MSRA: variants seen among roughly 807,000 people sequenced by gnomAD.
MSRA encodes the protein methionine sulfoxide reductase A.
MSRA carries 54 observed loss-of-function variants against 31.3 expected under a neutral mutation model. The observed-to-expected ratio is 1.73, with a 90% confidence interval of 1.39 to 2.17. MSRA has a LOEUF of 2.17. Among genes scored for constraint, MSRA ranks in the 30% most tolerant of loss-of-function variants. MSRA has a pLI of 0.00. For synonymous variants in MSRA, 169 were observed against 116.5 expected (o/e 1.45, Z -2.90); for missense variants, 507 against 300.9 (o/e 1.69, Z -5.07).
intron 1 of MSRA, among the ~76,000 whole-genome samples, chr8:10,056,587 A>G (rs626158): frequency 1 from 151,102 of 151,126 alleles, 75,539 homozygotes; most frequent in Non-Finnish European, 1. Context: ...TTGTTCATCT[A>G]TTGTAACTTT....
At chr8:10,103,181 C>T (rs373461340) in intron 1 of MSRA, among the ~76,000 whole-genome samples, 100 of 152,094 alleles carry the variant, frequency 6.6e-4, no homozygotes, top group Middle Eastern at 6.8e-3. Flanking sequence ...TATTAACATG[C>T]GAGGTTTTAT....
intron 1 of MSRA, among the ~76,000 whole-genome samples, chr8:10,172,001 T>C (rs1345154129): frequency 1.3e-5 from 2 of 152,198 alleles, no homozygotes; most frequent in African/African-American, 4.8e-5. Context: ...TGGGGGTATA[T>C]AGGTAATATC....
chr8:10,371,771 G>A (rs939178610), intron 5 of MSRA, among the ~76,000 whole-genome samples: 6 of 152,232 alleles, frequency 3.9e-5, no homozygotes, highest in East Asian at 3.9e-4. Flanking sequence ...TGCCTTCTCC[G>A]CTGTGCCTAA....
intron 5 of MSRA, among the ~76,000 whole-genome samples, chr8:10,352,220 T>A (rs1369497598): frequency 6.6e-6 from 1 of 152,192 alleles, no homozygotes; most frequent in Non-Finnish European, 1.5e-5. Context: ...GTTCAGTTCG[T>A]GTAGTGAATT....
intron 3 of MSRA, among the ~76,000 whole-genome samples, chr8:10,300,794 A>G (rs1800802830): frequency 6.6e-6 from 1 of 152,168 alleles, no homozygotes; most frequent in Non-Finnish European, 1.5e-5. Flanking sequence ...CTCTAAGACT[A>G]TAAAAGAAAG....
intron 3 of MSRA, among the ~76,000 whole-genome samples, chr8:10,280,417 G>C (rs1033966826): frequency 6.6e-6 from 1 of 152,008 alleles, no homozygotes; most frequent in Non-Finnish European, 1.5e-5. Flanking sequence ...TTTGATAGTA[G>C]CAGCTCCATT....
intron 1 of MSRA, chr8:10,095,442 G>A: frequency 2.0e-6 from 2 of 983,186 alleles, no homozygotes; most frequent in Non-Finnish European, 1.2e-6. Context: ...GTTTTCAAAT[G>A]TATTAATTGA....
At chr8:10,255,952 T>C (rs1798154285) in intron 3 of MSRA, among the ~76,000 whole-genome samples, 1 of 152,140 alleles carries the variant, frequency 6.6e-6, no homozygotes, top group African/African-American at 2.4e-5. Flanking sequence ...CATCCCCACC[T>C]GAGTGGTGCA....
intron 1 of MSRA, among the ~76,000 whole-genome samples, chr8:10,199,138 T>C (rs566257382): frequency 6.6e-6 from 1 of 152,182 alleles, no homozygotes; most frequent in Non-Finnish European, 1.5e-5. Flanking sequence ...GGATGCCTGC[T>C]TTGGGAGCCT....
Position 10,086,532 on chromosome 8 carries a change from A to T in MSRA, c.142+31874A>T, listed in dbSNP as rs909511958. The stretch of plus-strand genomic sequence containing the variant: ...CCTATATATGAATCTGATGGTCTGG[A>T]CAAGTCACATAGTTTCGGATGTCAG... On this transcript the variant is annotated intron_variant, in intron 1 of 5. Coordinates refer to ENST00000317173, the MANE Select transcript of MSRA (RefSeq NM_012331.5). Among the ~76,000 whole-genome samples the T allele has an allele frequency of 5.9e-5, 9 of 152,302 alleles. 1 individual carries two copies. In the South Asian group the frequency reaches 1.9e-3, roughly 32 times the overall value.
At chr8:10,390,466 C>T (rs9650650) in intron 5 of MSRA, among the ~76,000 whole-genome samples, 44,275 of 152,138 alleles carry the variant, frequency 0.29, 7,141 homozygotes, top group Non-Finnish European at 0.37. Context: ...TCTTCCTCCC[C>T]ACTCCCACCC....
At chr8:10,383,478 G>C (rs1806200052) in intron 5 of MSRA, among the ~76,000 whole-genome samples, 1 of 152,136 alleles carries the variant, frequency 6.6e-6, no homozygotes, top group African/African-American at 2.4e-5. Flanking sequence ...TTTGGTTCCT[G>C]CGGCTTAAAA....
At chr8:10,218,346 A>T (rs1247702285) in intron 2 of MSRA, among the ~76,000 whole-genome samples, 1 of 151,834 alleles carries the variant, frequency 6.6e-6, no homozygotes, top group Non-Finnish European at 1.5e-5. Context: ...GGGTTTCACC[A>T]TGTTGCCAGG....
intron 1 of MSRA, among the ~76,000 whole-genome samples, chr8:10,115,097 A>G (rs1401360797): frequency 6.6e-6 from 1 of 152,250 alleles, no homozygotes; most frequent in Admixed American, 6.5e-5. Context: ...TGTATTATAG[A>G]GATGACATTG....
intron 5 of MSRA, among the ~76,000 whole-genome samples, chr8:10,379,942 A>G (rs1197288757): frequency 6.6e-6 from 1 of 152,244 alleles, no homozygotes; most frequent in African/African-American, 2.4e-5. Context: ...GATTAGTGAC[A>G]TAAGTACTGA....
At chr8:10,265,321 G>A (rs761174260) in intron 3 of MSRA, among the ~76,000 whole-genome samples, 1 of 152,140 alleles carries the variant, frequency 6.6e-6, no homozygotes, top group Non-Finnish European at 1.5e-5. Flanking sequence ...GGAAGATCCT[G>A]GGGGGAGATT....
At chr8:10,257,435 T>C (rs1211857771) in intron 3 of MSRA, among the ~76,000 whole-genome samples, 1 of 152,194 alleles carries the variant, frequency 6.6e-6, no homozygotes, top group Non-Finnish European at 1.5e-5. Context: ...AGATGGAGTT[T>C]CGCTCTTGTT....
At chr8:10,201,552 CA>C (rs1291212413) in intron 1 of MSRA, among the ~76,000 whole-genome samples, 5 of 152,302 alleles carry the variant, frequency 3.3e-5, no homozygotes, top group Non-Finnish European at 7.4e-5. Flanking sequence ...ACAGGGAGCT[CA>C]TCCCTGATTG....
chr8:10,413,880 A>G lies in MSRA; in HGVS notation c.544-14268A>G, dbSNP rs191924877. Among the ~76,000 whole-genome samples the G allele has an allele frequency of 4.2e-4, 64 of 152,288 alleles. 2 individuals are homozygous for G. The highest frequency in any genetic ancestry group is 3.5e-3 in the Admixed American group (53 of 15,296). Reference sequence around the variant, plus strand: ...CCACTGAATTGTAAAGTTTGAAAGGATAGGTCAGGCACAGTGACTTATACC... The same window carrying G: ...CCACTGAATTGTAAAGTTTGAAAGGGTAGGTCAGGCACAGTGACTTATACC... On this transcript the variant is annotated intron_variant, in intron 5 of 5. Coordinates refer to ENST00000317173, the MANE Select transcript of MSRA (RefSeq NM_012331.5).
Sources: allele counts gnomAD v4.1 joint callset (sites outside exome capture counted in the v4.1 genomes callset), GRCh38; gene constraint gnomAD v4.1.1; transcripts MANE v1.5; gene names NCBI Gene and HGNC (gene_info 2026-07-23, HGNC 2026-07-21).